Variants in TPCN2 observed in about 807,000 individuals in gnomAD.
TPCN2 encodes two pore segment channel 2, also known as two pore channel protein 2.
Under a neutral mutation model 111.4 loss-of-function variants are expected in TPCN2, and 92 were observed. That is an observed-to-expected ratio of 0.83 (90% CI 0.70 to 0.98). TPCN2 has a LOEUF of 0.98. Ranked by LOEUF, TPCN2 falls within the 50% of genes least tolerant of loss-of-function variation. The pLI, the probability that TPCN2 is intolerant of heterozygous loss-of-function variation, is 0.00. For synonymous variants in TPCN2, 405 were observed against 414.5 expected (o/e 0.98, Z 0.28); for missense variants, 995 against 980.1 (o/e 1.02, Z -0.20).
At chr11:69,058,357 C>G (rs1854867075) in intron 5 of TPCN2, among the ~76,000 whole-genome samples, 1 of 152,182 alleles carries the variant, frequency 6.6e-6, no homozygotes, top group East Asian at 1.9e-4. Flanking sequence ...GGAGCAGTCC[C>G]ACTCATGGGC....
In TPCN2 at chr11:69,060,297, G is replaced by A. The variant is rs1854963723; in HGVS notation, c.547-2587G>A. Among the ~76,000 whole-genome samples the A allele has an allele frequency of 2.6e-5, 4 of 152,358 alleles. No individual in the cohort carries two copies. The South Asian group carries it at 8.3e-4, about 32-fold the overall frequency. Reference sequence around the variant, plus strand: ...TTGATGGAGGCTGAAATGTGCGTGTGTGTGTTTCCGGCTGGGCCGGCTATC... The same window carrying A: ...TTGATGGAGGCTGAAATGTGCGTGTATGTGTTTCCGGCTGGGCCGGCTATC... On this transcript the variant is annotated intron_variant, in intron 5 of 24. Coordinates refer to ENST00000294309, the MANE Select transcript of TPCN2 (RefSeq NM_139075.4).
rs200548419 is a variant in TPCN2, at chr11:69,055,289, C to T, written c.366C>T (p.Cys122=). ...RYRAAPWEPP[C]GLTESVEVLC... ...GCGCTGCTCCCTGGGAGCCGCCCTG[C>T]GGCCTGACCGAGAGTGTCGAGGTGC... The change falls in exon 4 of 25, where the codon TGC becomes TGT. Residue 122 remains cysteine (C), a synonymous_variant. Coordinates refer to ENST00000294309, the MANE Select transcript of TPCN2 (RefSeq NM_139075.4). 9 of 1,613,828 alleles carry T rather than the reference C, an allele frequency of 5.6e-6. No homozygotes were observed. In the East Asian group the frequency reaches 8.9e-5, roughly 16 times the overall value.
At chr11:69,087,265 G>A (rs368563422) in intron 24 of TPCN2, 59 bp downstream of exon 24, 2 of 1,505,214 alleles carry the variant, frequency 1.3e-6, no homozygotes. Context: ...CCAAGAGCTG[G>A]GGGGTGGAGG....
intron 1 of TPCN2, among the ~76,000 whole-genome samples, chr11:69,051,977 G>A (rs1325624791): frequency 3.3e-5 from 5 of 152,160 alleles, no homozygotes; most frequent in Non-Finnish European, 5.9e-5. Flanking sequence ...GGGAAGCTGC[G>A]ATGTGCTTCT....
rs770144867 is a variant in TPCN2, at chr11:69,072,734, C to T, written c.1143+26C>T. On this transcript the variant is annotated intron_variant, in intron 12 of 24. Coordinates refer to ENST00000294309, the MANE Select transcript of TPCN2 (RefSeq NM_139075.4). ...GTACCCGCCCCCTGCTCCCAGCCTCCTCTGGGCTCCTCCCGGGAGGTCACT... is the reference window on the plus strand; with the variant it reads ...GTACCCGCCCCCTGCTCCCAGCCTCTTCTGGGCTCCTCCCGGGAGGTCACT... 4.3e-6 allele frequency: 7 copies of T among 1,612,434 alleles called. No homozygotes were observed. The South Asian group carries it at 6.6e-5, about 15-fold the overall frequency.
chr11:69,086,740 G>A, intron 23 of TPCN2, 136 bp downstream of exon 23: 3 of 816,706 alleles, frequency 3.7e-6, no homozygotes, highest in Non-Finnish European at 6.1e-6. Flanking sequence ...GGTCCTGAGT[G>A]AGGCTGAGCC....
rs1855085993 is a variant in TPCN2, at chr11:69,062,871, G to A, written c.547-13G>A. ...CACTTGACGTGGTCCTCAGTTTCCTGGGTCTCTTCCAGCCCCTGCGGATCC... is the reference window on the plus strand; with the variant it reads ...CACTTGACGTGGTCCTCAGTTTCCTAGGTCTCTTCCAGCCCCTGCGGATCC... On this transcript the variant is annotated splice_polypyrimidine_tract_variant and intron_variant, in intron 5 of 24. Transcript: ENST00000294309. 1 of 1,613,128 alleles carries A rather than the reference G, an allele frequency of 6.2e-7. No individual in the cohort carries two copies. Among genetic ancestry groups the A allele is most frequent in the South Asian group, 1.1e-5 (1 of 91,074 alleles).
intron 13 of TPCN2, among the ~76,000 whole-genome samples, chr11:69,076,927 A>G (rs1277761876): frequency 2.1e-4 from 8 of 38,088 alleles, no homozygotes; most frequent in South Asian, 8.6e-4. Flanking sequence ...CCCTCCTGCC[A>G]TGCCCCTCCA....
intron 1 of TPCN2, among the ~76,000 whole-genome samples, chr11:69,049,475 T>C (rs1277736891): frequency 6.6e-6 from 1 of 152,200 alleles, no homozygotes; most frequent in Non-Finnish European, 1.5e-5. Flanking sequence ...GTCGCCGTAA[T>C]GAGGGTCGCC....
chr11:69,066,483 G>A (rs368176521), intron 7 of TPCN2, among the ~76,000 whole-genome samples: 85 of 152,324 alleles, frequency 5.6e-4, no homozygotes, highest in African/African-American at 1.9e-3. Flanking sequence ...ATTAGCTCAC[G>A]TGTCCTTGGG....
chr11:69,057,411 G>A (rs1326978815), intron 4 of TPCN2, among the ~76,000 whole-genome samples, 167 bp from the exon 5 acceptor site: 1 of 152,240 alleles, frequency 6.6e-6, no homozygotes, highest in African/African-American at 2.4e-5. Context: ...AGGCTTGGGC[G>A]GGAGCTCGGG....
chr11:69,067,434 C>T (rs550794974), intron 7 of TPCN2, 69 bp from the exon 8 acceptor site: 38 of 1,438,650 alleles, frequency 2.6e-5, no homozygotes, highest in Non-Finnish European at 3.2e-5. Context: ...CGGTTGGGTC[C>T]GGGGCCTGGA....
intron 18 of TPCN2, 63 bp from the exon 19 acceptor site, chr11:69,083,882 C>T (rs375328754): frequency 8.1e-5 from 123 of 1,511,580 alleles, no homozygotes; most frequent in Non-Finnish European, 1.0e-4. Flanking sequence ...CGTGGTGGGC[C>T]GGGATGGTGT....
chr11:69,077,655 T>C (rs1031207766), intron 13 of TPCN2, among the ~76,000 whole-genome samples: 8 of 152,240 alleles, frequency 5.3e-5, no homozygotes, highest in Admixed American at 1.3e-4. Flanking sequence ...AAACAGTTGC[T>C]TTGTTCTTCT....
At chr11:69,071,682 A>G (rs1855541559) in intron 10 of TPCN2, among the ~76,000 whole-genome samples, 1 of 152,026 alleles carries the variant, frequency 6.6e-6, no homozygotes, top group South Asian at 2.1e-4. Flanking sequence ...CAGAGGAGAA[A>G]CGCGGCCCAG....
chr11:69,078,629 C>T (rs755592756), intron 14 of TPCN2, 28 bp downstream of exon 14: 42 of 1,613,602 alleles, frequency 2.6e-5, no homozygotes, highest in African/African-American at 4.0e-5. Flanking sequence ...CCAGAGCTGG[C>T]ACGGAAGTGC....
chr11:69,072,016 C>A lies in TPCN2; in HGVS notation c.1054C>A (p.Pro352Thr), dbSNP rs1302616035. Residue 352 changes from proline to threonine, a missense_variant, in exon 11 of 25, where the codon CCT becomes ACT. Transcript: ENST00000294309. Reference sequence around the variant, plus strand: ...CATGGTGGGGGAGGGAGGAGCCTTCCCTCAGGCGTGAGTGCTGGGCATGGA... The same window carrying A: ...CATGGTGGGGGAGGGAGGAGCCTTCACTCAGGCGTGAGTGCTGGGCATGGA... Reference protein sequence around the residue: ...SSMVGEGGAFPQAVGVKPQNL... With the variant: ...SSMVGEGGAFTQAVGVKPQNL... 1.2e-6 allele frequency: 2 copies of A among 1,613,242 alleles called. No homozygotes were observed. The highest frequency in any genetic ancestry group is 3.3e-5 in the Admixed American group (2 of 59,936).
At chr11:69,077,775 G>T (rs1361404150) in intron 13 of TPCN2, among the ~76,000 whole-genome samples, 1 of 152,228 alleles carries the variant, frequency 6.6e-6, no homozygotes, top group Admixed American at 6.5e-5. Context: ...GGGATGAGCT[G>T]TAGCCACGTG....
intron 1 of TPCN2, among the ~76,000 whole-genome samples, chr11:69,051,956 T>C (rs1383721582): frequency 6.6e-6 from 1 of 151,876 alleles, no homozygotes; most frequent in Non-Finnish European, 1.5e-5. Flanking sequence ...CCTGGAATAG[T>C]GGGGGCCCAG....
Sources: gnomAD v4.1 joint callset for allele counts (sites outside exome capture counted in the v4.1 genomes callset) on GRCh38, gnomAD v4.1.1 for gene constraint, MANE v1.5 for transcripts, NCBI Gene and HGNC (gene_info 2026-07-23, HGNC 2026-07-21) for gene names.